Variants in MYH4 observed in about 807,000 individuals in gnomAD.
The protein encoded by MYH4 is myosin-4.
Under a neutral mutation model 229.9 loss-of-function variants are expected in MYH4, and 200 were observed. The ratio of observed to expected loss-of-function variants is 0.87; its 90% CI spans 0.78 to 0.98. The LOEUF (loss-of-function observed/expected upper bound fraction) is 0.98, where lower values mean the gene tolerates loss of function less well. Ranked by LOEUF, MYH4 falls within the 50% of genes least tolerant of loss-of-function variation. MYH4 has a pLI of 0.00. For synonymous variants in MYH4, 761 were observed against 834.6 expected (o/e 0.91, Z 1.52); for missense variants, 2,148 against 2,332.6 (o/e 0.92, Z 1.63).
intron 12 of MYH4, among the ~76,000 whole-genome samples, chr17:10,460,658 G>T (rs1212590479): frequency 6.6e-6 from 1 of 152,208 alleles, no homozygotes; most frequent in African/African-American, 2.4e-5. Context: ...GTGCCTGTGG[G>T]CACACAGATT....
At chr17:10,467,874 C>A (rs569439224) in intron 2 of MYH4, among the ~76,000 whole-genome samples, 2 of 152,266 alleles carry the variant, frequency 1.3e-5, no homozygotes, top group South Asian at 4.1e-4. Context: ...AAGAAGGTGA[C>A]CTCTGTGGAG....
Position 10,463,346 on chromosome 17 carries a change from A to G in MYH4, c.797T>C (p.Ile266Thr), listed in dbSNP as rs140079499. Residue 266 changes from isoleucine to threonine, a missense_variant, in exon 9 of 40, where the codon ATT (isoleucine) becomes ACT (threonine). Coordinates refer to ENST00000255381, the MANE Select transcript of MYH4 (RefSeq NM_017533.2). Reference protein sequence around the residue: ...GATGKLASADIETYLLEKSRV... With the variant: ...GATGKLASADTETYLLEKSRV... ...AATATTTATTAACTTACATGTTTCA[A>G]TATCTGCAGAAGCCAGTTTGCCTGT... 6.2e-7 allele frequency: 1 copy of G among 1,610,048 alleles called. No individual in the cohort carries two copies. Among genetic ancestry groups the G allele is most frequent in the Admixed American group, 1.7e-5 (1 of 59,450 alleles).
intron 14 of MYH4, 34 bp from the exon 15 acceptor site, chr17:10,459,455 T>A: frequency 1.2e-6 from 2 of 1,614,182 alleles, no homozygotes; most frequent in Non-Finnish European, 1.7e-6. Flanking sequence ...AAATTACGCA[T>A]AACAAGTATT....
chr17:10,461,447 C>T (rs1382236649), intron 11 of MYH4, among the ~76,000 whole-genome samples: 2 of 152,090 alleles, frequency 1.3e-5, no homozygotes, highest in East Asian at 3.9e-4. Context: ...TCCAGTCTCA[C>T]GAGTCTCTCT....
Position 10,455,048 on chromosome 17 carries a change from A to C in MYH4, c.2328T>G (p.Thr776=). 1 of 1,614,194 alleles carries C rather than the reference A, an allele frequency of 6.2e-7. No homozygotes were observed. The highest frequency in any genetic ancestry group is 8.5e-7 in the Non-Finnish European group (1 of 1,180,044). The change falls in exon 21 of 40, where the codon ACT becomes ACG. Residue 776 remains threonine, a synonymous_variant. Transcript: ENST00000255381. ...GCTTTTCATCTCGCATTTCCTCTAG[A>C]GTTCCCAGCAGGCCAGCTTTGAAGA... ...KVFFKAGLLG[T]LEEMRDEKLA...
rs1446966521 is a variant in MYH4 at position 10,454,663 on chromosome 17, C to A, written c.2583G>T (p.Glu861Asp). ...TCTTAGCCAGCTCTTCTTTGGTTTT[C>A]TCAAATTCTTCCTTCATGTTGGCCA... ...KEMANMKEEF[E>D]KTKEELAKTE... Residue 861 changes from glutamate (E) to aspartate (D), a missense_variant, in exon 22 of 40, where the codon GAG becomes GAT. Physicochemically the swap from Glu to Asp is conservative, Grantham distance 45. Transcript: ENST00000255381. 3 of 1,614,134 alleles carry A rather than the reference C, an allele frequency of 1.9e-6. No homozygotes were observed. Among genetic ancestry groups the A allele is most frequent in the Non-Finnish European group, 2.5e-6 (3 of 1,180,022 alleles).
intron 21 of MYH4, 28 bp downstream of exon 21, chr17:10,454,913 G>C: frequency 6.2e-7 from 1 of 1,613,168 alleles, no homozygotes; most frequent in East Asian, 2.2e-5. Context: ...AAAGTGTGGA[G>C]CAGGAAGACT....
At chr17:10,454,414 T>C (rs2072614511) in intron 22 of MYH4, 141 bp downstream of exon 22, 1 of 1,121,646 alleles carries the variant, frequency 8.9e-7, no homozygotes, top group African/African-American at 1.6e-5. Context: ...GATATGTGAC[T>C]TTGCATCTAT....
In MYH4 at chr17:10,450,460, C is replaced by T. The variant is rs1254209731; in HGVS notation, c.4174G>A (p.Glu1392Lys). ...DAIQRTEELE[E>K]AKKKLAQRLQ... ...TGCACTAAAAGCACATACTTGGCCT[C>T]CTCCAGCTCCTCTGTGCGCTGGATG... is the stretch of plus-strand genomic sequence containing the variant. The change falls in exon 30 of 40, where the codon GAG becomes AAG. Residue 1392 changes from glutamate to lysine, a missense_variant. Glu to Lys is a moderately conservative substitution (Grantham distance 56). Transcript: ENST00000255381. 3.7e-6 allele frequency: 6 copies of T among 1,613,888 alleles called. No homozygotes were observed. Among genetic ancestry groups the T allele is most frequent in the Non-Finnish European group, 5.1e-6 (6 of 1,179,888 alleles).
At chr17:10,461,362 T>C (rs1241808945) in intron 11 of MYH4, among the ~76,000 whole-genome samples, 1 of 152,158 alleles carries the variant, frequency 6.6e-6, no homozygotes, top group Non-Finnish European at 1.5e-5. Context: ...CTTTGCCCCT[T>C]TTCTCCACCC....
In MYH4 at chr17:10,447,230, G is replaced by C; in HGVS notation, c.4966-14C>G. On this transcript the variant is annotated splice_polypyrimidine_tract_variant and intron_variant, in intron 34 of 39. Transcript: ENST00000255381. Reference sequence around the variant, plus strand: ...TAGCTGAGTGTCCTACACAGAAAGAGAAAAAGCCTCTTACTCATGCTGCAC... The same window carrying C: ...TAGCTGAGTGTCCTACACAGAAAGACAAAAAGCCTCTTACTCATGCTGCAC... The C allele has an allele frequency of 6.2e-7, 1 of 1,611,238 alleles. No homozygotes were observed. Among genetic ancestry groups the C allele is most frequent in the Non-Finnish European group, 8.5e-7 (1 of 1,178,460 alleles).
In MYH4 at chr17:10,466,802, G is replaced by A; in HGVS notation, c.-39-18C>T. ...AGGTATACCTAGAGGAAGAAACAGA[G>A]CCAAATGATGATTCAGGGTTGGGGT... On this transcript the variant is annotated intron_variant, in intron 2 of 39. Coordinates refer to ENST00000255381, the MANE Select transcript of MYH4 (RefSeq NM_017533.2). The A allele has an allele frequency of 6.3e-7, 1 of 1,588,430 alleles. No homozygotes were observed. Among genetic ancestry groups the A allele is most frequent in the Admixed American group, 1.7e-5 (1 of 59,602 alleles).
chr17:10,459,920 A>G lies in MYH4; in HGVS notation c.1416+32T>C, dbSNP rs373214109. 8 of 1,613,554 alleles carry G rather than the reference A, an allele frequency of 5.0e-6. No homozygotes were observed. In the African/African-American group the frequency reaches 9.3e-5, roughly 19 times the overall value. ...TGTATGCTCTAACAAGAGGATTTGC[A>G]CTGGCTAATTTTCTGTCAGTTCACT... is the stretch of plus-strand genomic sequence containing the variant. On this transcript the variant is annotated intron_variant, in intron 14 of 39. Transcript: ENST00000255381.
Position 10,452,106 on chromosome 17 carries a change from G to A in MYH4, c.3573C>T (p.Ala1191=), listed in dbSNP as rs371970882. 37 of 1,613,872 alleles carry A rather than the reference G, an allele frequency of 2.3e-5. No homozygotes were observed. The highest frequency in any genetic ancestry group is 8.3e-5 in the Admixed American group (5 of 60,000). ...GCTTCTTCCGAAGAGCAGCTGCCGTGGCTTCGTGCTGCAGGGTGGACTCTT... is the reference window on the plus strand; with the variant it reads ...GCTTCTTCCGAAGAGCAGCTGCCGTAGCTTCGTGCTGCAGGGTGGACTCTT... ...DLEESTLQHE[A]TAAALRKKHA... The change falls in exon 27 of 40, where the codon GCC becomes GCT. Residue 1191 remains alanine (A), a synonymous_variant. Coordinates refer to ENST00000255381, the MANE Select transcript of MYH4 (RefSeq NM_017533.2).
intron 34 of MYH4, among the ~76,000 whole-genome samples, 181 bp downstream of exon 34, chr17:10,447,637 T>A (rs2072526373): frequency 6.6e-6 from 1 of 152,198 alleles, no homozygotes; most frequent in South Asian, 2.1e-4. Context: ...CAAAGCAAAC[T>A]CTGTCCTGGG....
rs2072755114 is a variant in MYH4 at position 10,465,611 on chromosome 17, A to G, written c.349-13T>C. ...GGCCCGAGTAGGTCTGTGGGAAAGG[A>G]CGGGGTTCCTCGATCAGCAATCACC... is the stretch of plus-strand genomic sequence containing the variant. On this transcript the variant is annotated splice_polypyrimidine_tract_variant and intron_variant, in intron 4 of 39. Coordinates refer to ENST00000255381, the MANE Select transcript of MYH4 (RefSeq NM_017533.2). 3 of 1,614,030 alleles carry G rather than the reference A, an allele frequency of 1.9e-6. No homozygotes were observed. The highest frequency in any genetic ancestry group is 4.5e-5 in the East Asian group (2 of 44,862).
chr17:10,455,190 G>T lies in MYH4; in HGVS notation c.2280C>A (p.Tyr760Ter), dbSNP rs761874607. ...LGSIEIDHTQYKFGHTKVFFK... is the reference protein window; with the variant it reads ...LGSIEIDHTQ ...GTGATACCTTGGTATGACCGAATTT[G>T]TACTGGGTGTGGTCAATTTCAATAG... The change falls in exon 20 of 40, where the codon TAC becomes TAA. Residue 760 changes from tyrosine (Y) to a stop codon, truncating the protein, a stop_gained. Transcript: ENST00000255381. LOFTEE classifies it high-confidence loss of function. The T allele has an allele frequency of 1.9e-6, 3 of 1,614,208 alleles. No individual in the cohort carries two copies. The East Asian group carries it at 6.7e-5, about 36-fold the overall frequency.
At position 10,450,355 on chromosome 17, in the gene MYH4, T is replaced by C. The variant is rs1438050035; in HGVS notation, c.4181+98A>G. The C allele has an allele frequency of 6.9e-6, 11 of 1,584,902 alleles. No individual in the cohort carries two copies. The Admixed American group carries it at 1.9e-4, about 27-fold the overall frequency. On this transcript the variant is annotated intron_variant, in intron 30 of 39. Transcript: ENST00000255381. Reference sequence around the variant, plus strand: ...CTATAATAAAATAAGCTGAAGTCTTTCATGTGTCCCCAAGCCCGGAATATT... The same window carrying C: ...CTATAATAAAATAAGCTGAAGTCTTCCATGTGTCCCCAAGCCCGGAATATT...
intron 35 of MYH4, among the ~76,000 whole-genome samples, chr17:10,445,637 G>A (rs1185516632): frequency 6.6e-6 from 1 of 152,074 alleles, no homozygotes; most frequent in Non-Finnish European, 1.5e-5. Flanking sequence ...TCAAAGTGCT[G>A]TACCATGGAG....
Sources: allele counts gnomAD v4.1 joint callset (sites outside exome capture counted in the v4.1 genomes callset), GRCh38; gene constraint gnomAD v4.1.1; transcripts MANE v1.5; gene names NCBI Gene and HGNC (gene_info 2026-07-23, HGNC 2026-07-21).